Variants in RAB39A observed in about 807,000 individuals in gnomAD.
RAB39A encodes RAB39A, member RAS oncogene family.
A neutral mutation model predicts 20.9 loss-of-function variants in RAB39A; 17 were observed. The observed-to-expected ratio is 0.81, with a 90% confidence interval of 0.56 to 1.22. The LOEUF is 1.22. Ranked by LOEUF, RAB39A falls within the 50% of genes most tolerant of loss-of-function variation. The pLI is 0.00. For missense variants in RAB39A, 234 were observed against 270.5 expected (o/e 0.87, Z 0.95); for synonymous variants, 99 against 103.4 (o/e 0.96, Z 0.26).
At chr11:107,945,276 A>G (rs1861297149) in intron 1 of RAB39A, among the ~76,000 whole-genome samples, 1 of 137,516 alleles carries the variant, frequency 7.3e-6, no homozygotes, top group Admixed American at 8.3e-5. Flanking sequence ...TGAGCTCATG[A>G]GTTCAAGGCC....
Position 107,960,743 on chromosome 11 carries a change from G to A in RAB39A, c.228-1203G>A, listed in dbSNP as rs113845554. Among the ~76,000 whole-genome samples the A allele has an allele frequency of 1.1e-3, 160 of 152,310 alleles. 1 individual carries two copies. The highest frequency in any genetic ancestry group is 3.8e-3 in the African/African-American group (156 of 41,564). Reference sequence around the variant, plus strand: ...GGACAGAGAATGGTATTACCAGAACGTGGTGACAGCTGTAGCCATGGGAGA... The same window carrying A: ...GGACAGAGAATGGTATTACCAGAACATGGTGACAGCTGTAGCCATGGGAGA... On this transcript the variant is annotated intron_variant, in intron 1 of 1. Transcript: ENST00000320578.
At chr11:107,955,692 G>T (rs1030145941) in intron 1 of RAB39A, among the ~76,000 whole-genome samples, 3 of 152,100 alleles carry the variant, frequency 2.0e-5, no homozygotes, top group Non-Finnish European at 4.4e-5. Flanking sequence ...TACAAAATTA[G>T]CCACGTGTGG....
chr11:107,955,201 G>A (rs1591248733), intron 1 of RAB39A, among the ~76,000 whole-genome samples: 2 of 151,972 alleles, frequency 1.3e-5, no homozygotes, highest in East Asian at 3.9e-4. Flanking sequence ...GTTTCACCAT[G>A]TTAGCCAGGA....
chr11:107,931,579 TAC>T, intron 1 of RAB39A, among the ~76,000 whole-genome samples: 1 of 152,338 alleles, frequency 6.6e-6, no homozygotes. Context: ...ATCAAGAAAT[TAC>T]AGATTCTAAT....
chr11:107,929,269 G>A (rs1861114200), intron 1 of RAB39A, among the ~76,000 whole-genome samples: 1 of 152,206 alleles, frequency 6.6e-6, no homozygotes, highest in South Asian at 2.1e-4. Flanking sequence ...AGGGTTCCCA[G>A]ATTCGTGATG....
At chr11:107,959,461 C>G (rs1861473234) in intron 1 of RAB39A, among the ~76,000 whole-genome samples, 2 of 152,174 alleles carry the variant, frequency 1.3e-5, no homozygotes. Flanking sequence ...CATAGCCTGC[C>G]AAAGATGGTG....
chr11:107,936,591 C>G (rs908709848), intron 1 of RAB39A, among the ~76,000 whole-genome samples: 2 of 152,152 alleles, frequency 1.3e-5, no homozygotes, highest in Non-Finnish European at 2.9e-5. Flanking sequence ...TTTAAAATCT[C>G]TAAACTAAAT....
chr11:107,929,712 G>A (rs1185509830), intron 1 of RAB39A, among the ~76,000 whole-genome samples: 1 of 152,136 alleles, frequency 6.6e-6, no homozygotes, highest in Non-Finnish European at 1.5e-5. Context: ...TCACAAAGGC[G>A]ACTTGTGTAA....
Position 107,962,640 on chromosome 11 carries a change from G to A in RAB39A, c.*268G>A. 1 of 310,950 alleles carries A rather than the reference G, an allele frequency of 3.2e-6. No individual in the cohort carries two copies. The highest frequency in any genetic ancestry group is 5.9e-6 in the Non-Finnish European group (1 of 168,470). 19.3% of individuals were successfully genotyped at this position (310,950 alleles called of 1,614,324 possible). A position where few individuals can be genotyped will look rare whatever the true frequency, so the allele number is the denominator to read the frequency against. On this transcript the variant is annotated 3_prime_UTR_variant, in exon 2 of 2. Transcript: ENST00000320578. Reference sequence around the variant, plus strand: ...TTTGTTAGCATACGCTGACCTTAGTGTCCAGATATGTCACTATTACTCATT... The same window carrying A: ...TTTGTTAGCATACGCTGACCTTAGTATCCAGATATGTCACTATTACTCATT...
At chr11:107,954,994 T>G (rs928558249) in intron 1 of RAB39A, among the ~76,000 whole-genome samples, 13 of 129,714 alleles carry the variant, frequency 1.0e-4, no homozygotes, top group African/African-American at 3.8e-4. Context: ...ATGCTTTTTT[T>G]TTTTTTTTTT....
At chr11:107,940,042 T>G (rs929035970) in intron 1 of RAB39A, among the ~76,000 whole-genome samples, 16 of 152,288 alleles carry the variant, frequency 1.1e-4, no homozygotes, top group Admixed American at 1.0e-3. Context: ...CTTAAAAGTT[T>G]GAAGAGGAAT....
Position 107,961,893 on chromosome 11 carries a change from GA to G in RAB39A, c.228-51del, listed in dbSNP as rs1381116144. The G allele has an allele frequency of 2.5e-5, 34 of 1,371,186 alleles. No homozygotes were observed. In the East Asian group the frequency reaches 7.8e-4, roughly 32 times the overall value. 84.9% of individuals were successfully genotyped at this position (1,371,186 alleles called of 1,614,324 possible). On this transcript the variant is annotated intron_variant, in intron 1 of 1. Coordinates refer to ENST00000320578, the MANE Select transcript of RAB39A (RefSeq NM_017516.3). ...TTATGGTGCTAGATTGTTGGAAGGA[GA>G]AGAAAAAGAACAAGTTGTCCTTATA...
At chr11:107,956,877 C>T (rs1303693536) in intron 1 of RAB39A, among the ~76,000 whole-genome samples, 1 of 152,102 alleles carries the variant, frequency 6.6e-6, no homozygotes, top group Non-Finnish European at 1.5e-5. Context: ...AATGATGTCT[C>T]ATTGAACTCA....
In RAB39A at chr11:107,928,578, A is replaced by T; in HGVS notation, c.10A>T (p.Ile4Phe). ...GCGGGGCACGTGAGCGATGGAGACCATCTGGATCTACCAGTTCCGCCTCAT... is the reference window on the plus strand; with the variant it reads ...GCGGGGCACGTGAGCGATGGAGACCTTCTGGATCTACCAGTTCCGCCTCAT... MET[I>F]WIYQFRLIVI... The change falls in exon 1 of 2, where the codon ATC becomes TTC. Residue 4 changes from isoleucine (I) to phenylalanine (F), a missense_variant. Transcript: ENST00000320578. The surrounding 1 kb of genome is among the most constrained non-coding windows in gnomAD (Gnocchi z 4.9). 1 of 1,543,540 alleles carries T rather than the reference A, an allele frequency of 6.5e-7. No homozygotes were observed. Among genetic ancestry groups the T allele is most frequent in the Non-Finnish European group, 8.8e-7 (1 of 1,132,888 alleles).
rs33940061 is a variant in RAB39A, at chr11:107,945,318, C to CAA, written c.227+16545_227+16546dup. 1.5e-3 allele frequency among the ~76,000 whole-genome samples: 128 copies of CAA among 87,362 alleles called. 1 individual carries two copies. Among genetic ancestry groups the CAA allele is most frequent in the East Asian group, 2.6e-3 (8 of 3,072 alleles). The allele number at this position is 87,362 out of a possible 152,430, so 57.3% of individuals were successfully genotyped here. On this transcript the variant is annotated intron_variant, in intron 1 of 1. Coordinates refer to ENST00000320578, the MANE Select transcript of RAB39A (RefSeq NM_017516.3). ...GCAACACAGCAAAACCCCGTCTCTA[C>CAA]AAAAAAAAAAAAAAAAAAAAAAAGT...
chr11:107,943,346 C>T (rs1022531891), intron 1 of RAB39A, among the ~76,000 whole-genome samples: 4 of 151,632 alleles, frequency 2.6e-5, no homozygotes, highest in African/African-American at 7.3e-5. Context: ...CCCAGGTGGG[C>T]GGATCACGAG....
At chr11:107,946,434 GTGTATATA>G (rs1224126931) in intron 1 of RAB39A, among the ~76,000 whole-genome samples, 245 of 20,858 alleles carry the variant, frequency 0.012, 3 homozygotes, top group African/African-American at 0.032. Flanking sequence ...GTGTGTGTGT[GTGTATATA>G]TATATATATA....
intron 1 of RAB39A, among the ~76,000 whole-genome samples, chr11:107,938,619 C>T (rs1476310678): frequency 6.7e-6 from 1 of 149,708 alleles, no homozygotes; most frequent in East Asian, 1.9e-4. Flanking sequence ...CCCTGTAGTC[C>T]CAGCTACTTG....
chr11:107,932,862 C>T (rs1308362661), intron 1 of RAB39A, among the ~76,000 whole-genome samples: 1 of 152,054 alleles, frequency 6.6e-6, no homozygotes, highest in African/African-American at 2.4e-5. Context: ...AGGTGTGTGC[C>T]GCCATGCCCA....
Sources: allele counts gnomAD v4.1 joint callset (sites outside exome capture counted in the v4.1 genomes callset), GRCh38; gene constraint gnomAD v4.1.1; non-coding constraint Gnocchi (gnomAD v3.1); transcripts MANE v1.5; gene names NCBI Gene and HGNC (gene_info 2026-07-23, HGNC 2026-07-21).